The following SYN1 variants were observed in gnomAD, a reference collection of about 807,000 sequenced individuals.
SYN1 encodes synapsin I.
In SYN1, 8 loss-of-function variants were observed where a neutral mutation model predicts 44.6. The ratio of observed to expected loss-of-function variants is 0.18; its 90% CI spans 0.11 to 0.32. The LOEUF (loss-of-function observed/expected upper bound fraction) is 0.32, where lower values mean the gene tolerates loss of function less well. Ranked by LOEUF, SYN1 falls within the 10% of genes least tolerant of loss-of-function variation. The pLI, the probability that SYN1 is intolerant of heterozygous loss-of-function variation, is 1.00. For synonymous variants in SYN1, 275 were observed against 280.1 expected (o/e 0.98, Z 0.18); for missense variants, 451 against 639.4 (o/e 0.71, Z 3.18).
rs376608608 is a variant in SYN1 at position 47,582,573 on chromosome X, A to G, written c.775-5072T>C. ...GCACTCCCGTGCCAGATGCCTGTCT[A>G]CTCAGCTTGGCCTGCGGGTACCAGG... On this transcript the variant is annotated intron_variant, in intron 5 of 12. Coordinates refer to ENST00000295987, the MANE Select transcript of SYN1 (RefSeq NM_006950.3). 8.2e-4 allele frequency: 296 copies of G among 363,178 alleles called. 1 individual carries two copies. The highest frequency in any genetic ancestry group is 1.0e-3 in the Non-Finnish European group (182 of 181,919). The allele number at this position is 363,178 out of a possible 1,213,427, so 29.9% of individuals were successfully genotyped here. A position where few individuals can be genotyped will look rare whatever the true frequency, so the allele number is the denominator to read the frequency against.
intron 5 of SYN1, among the ~76,000 whole-genome samples, chrX:47,592,270 TG>T (rs1254356563): frequency 9.0e-6 from 1 of 110,499 alleles, no homozygotes; most frequent in African/African-American, 3.3e-5. Flanking sequence ...CCCAGGAGGT[TG>T]GGGCTGCAGT....
intron 3 of SYN1, 92 bp from the exon 4 acceptor site, chrX:47,605,471 C>G (rs1318246488): frequency 4.4e-5 from 47 of 1,077,588 alleles, no homozygotes; most frequent in Non-Finnish European, 5.8e-5. Flanking sequence ...CTCCATAGCT[C>G]CCAGAAATTG....
At chrX:47,601,223 A>G (rs1471731041) in intron 5 of SYN1, among the ~76,000 whole-genome samples, 2 of 111,951 alleles carry the variant, frequency 1.8e-5, no homozygotes, top group African/African-American at 6.5e-5. Flanking sequence ...AATAAAAAGT[A>G]TTATAAGAGA....
At chrX:47,611,953 T>A (rs1258486968) in intron 1 of SYN1, among the ~76,000 whole-genome samples, 2 of 111,790 alleles carry the variant, frequency 1.8e-5, no homozygotes, top group East Asian at 5.6e-4. Context: ...GGAGGCAGCA[T>A]GTCCCCCACA....
At chrX:47,618,230 C>T (rs1193710384) in intron 1 of SYN1, among the ~76,000 whole-genome samples, 1 of 111,815 alleles carries the variant, frequency 8.9e-6, no homozygotes, top group African/African-American at 3.3e-5. Context: ...AGAAAGTGCT[C>T]AATACATGCA....
chrX:47,605,489 G>C (rs2057893769), intron 3 of SYN1, 110 bp from the exon 4 acceptor site: 2 of 953,267 alleles, frequency 2.1e-6, no homozygotes, highest in East Asian at 6.7e-5. Flanking sequence ...TTGCAAAGTG[G>C]TTTCTCACCT....
At position 47,605,624 on chromosome X, in the gene SYN1, G is replaced by A. The variant is rs894245427; in HGVS notation, c.528-245C>T. The stretch of plus-strand genomic sequence containing the variant: ...CAGCAAGGTCAGCTTGCAGCTTACC[G>A]ACACAGCTCTGACAACTCCCTGGTC... On this transcript the variant is annotated intron_variant, in intron 3 of 12. Transcript: ENST00000295987. Among the ~76,000 whole-genome samples the A allele has an allele frequency of 3.6e-5, 4 of 111,167 alleles. No homozygotes were observed. In the South Asian group the frequency reaches 1.1e-3, roughly 31 times the overall value.
At position 47,572,862 on chromosome X, in the gene SYN1, T is replaced by TTG. The variant is rs1315026699; in HGVS notation, c.*1_*2insCA. ...GGATTTTGGGGTTCTCAGAGTGGGG[T>TTG]ATCAGTCGGAGAAGAGGCTGGCGAA... On this transcript the variant is annotated 3_prime_UTR_variant, in exon 13 of 13. Coordinates refer to ENST00000295987, the MANE Select transcript of SYN1 (RefSeq NM_006950.3). 2 of 1,210,633 alleles carry TTG rather than the reference T, an allele frequency of 1.7e-6. No homozygotes were observed. Among genetic ancestry groups the TTG allele is most frequent in the Non-Finnish European group, 2.2e-6 (2 of 895,147 alleles).
At chrX:47,593,170 C>T (rs765899392) in intron 5 of SYN1, among the ~76,000 whole-genome samples, 1 of 108,689 alleles carries the variant, frequency 9.2e-6, no homozygotes, top group Non-Finnish European at 1.9e-5. Flanking sequence ...GTTGGGATTA[C>T]GATGTAAGCC....
rs115822657 is a variant in SYN1 at position 47,587,772 on chromosome X, C to A, written c.775-10271G>T. Among the ~76,000 whole-genome samples the A allele has an allele frequency of 5.3e-3, 588 of 111,466 alleles. 2 individuals carry two copies. The highest frequency in any genetic ancestry group is 0.018 in the African/African-American group (545 of 30,612). ...AGCGGGGTCCAGTCCCTGGCTCCTG[C>A]CCCTCATACTCCAAAGGTCTTGACT... On this transcript the variant is annotated intron_variant, in intron 5 of 12. Coordinates refer to ENST00000295987, the MANE Select transcript of SYN1 (RefSeq NM_006950.3).
intron 5 of SYN1, among the ~76,000 whole-genome samples, chrX:47,594,472 T>C (rs2057857870): frequency 9.6e-6 from 1 of 104,704 alleles, no homozygotes; most frequent in Admixed American, 1.0e-4. Context: ...AGGCAGAGGC[T>C]GCAGTGAGCC....
chrX:47,598,951 G>A (rs935319074), intron 5 of SYN1, among the ~76,000 whole-genome samples: 2 of 111,354 alleles, frequency 1.8e-5, no homozygotes, highest in Non-Finnish European at 3.8e-5. Flanking sequence ...AGCCCAGGAG[G>A]TTGAGGCTGC....
chrX:47,572,485 C>T lies in SYN1; in HGVS notation c.*379G>A, dbSNP rs757653633. On this transcript the variant is annotated 3_prime_UTR_variant, in exon 13 of 13. Coordinates refer to ENST00000295987, the MANE Select transcript of SYN1 (RefSeq NM_006950.3). ...GATTTGGGACCAAAAATAGGGTTTT[C>T]CAGGAACTTCAGGGCTCCAGGAAGG... is the stretch of plus-strand genomic sequence containing the variant. 2 of 167,607 alleles carry T rather than the reference C, an allele frequency of 1.2e-5. 1 individual carries two copies. The highest frequency in any genetic ancestry group is 2.6e-4 in the South Asian group (2 of 7,615). The allele number at this position is 167,607 out of a possible 1,213,427, so 13.8% of individuals were successfully genotyped here.
intron 1 of SYN1, among the ~76,000 whole-genome samples, chrX:47,610,850 T>C (rs1333146344): frequency 9.1e-6 from 1 of 110,445 alleles, no homozygotes; most frequent in Non-Finnish European, 1.9e-5. Context: ...CATGTTGGAG[T>C]AGATATACTA....
At chrX:47,613,131 CAAAAAAAA>C (rs752216661) in intron 1 of SYN1, among the ~76,000 whole-genome samples, 1 of 37,381 alleles carries the variant, frequency 2.7e-5, no homozygotes, top group Non-Finnish European at 4.6e-5. Flanking sequence ...ACTCCGTCTC[CAAAAAAAA>C]AAAAAAAAAA....
chrX:47,599,812 G>A (rs189427115), intron 5 of SYN1, among the ~76,000 whole-genome samples: 28 of 112,119 alleles, frequency 2.5e-4, no homozygotes, highest in Middle Eastern at 4.6e-3. Flanking sequence ...GATGAAAAAC[G>A]TGACTTAATT....
Position 47,574,243 on chromosome X carries a change from G to A in SYN1, c.1741C>T (p.Pro581Ser). 9.1e-7 allele frequency: 1 copy of A among 1,096,500 alleles called. No homozygotes were observed. The highest frequency in any genetic ancestry group is 1.2e-6 in the Non-Finnish European group (1 of 845,086). 90.4% of individuals were successfully genotyped at this position (1,096,500 alleles called of 1,213,427 possible). The change falls in exon 12 of 13, where the codon CCA becomes TCA. Residue 581 changes from proline (P) to serine (S), a missense_variant. Physicochemically the swap from Pro to Ser is moderately conservative, Grantham distance 74. This residue lies in a region of SYN1 where 127 missense variants were observed against 154.8 expected (regional missense o/e 0.82). Transcript: ENST00000295987. ...CCCTGGCGCTGCTGCCCGCCCGGTG[G>A]GGCCCCAGAGGCCTTTGGCGGAGCC... ...GPAPPKASGA[P>S]PGGQQRQGPP...
At chrX:47,586,613 C>T in intron 5 of SYN1, 1 of 1,212,117 alleles carries the variant, frequency 8.3e-7, no homozygotes, top group South Asian at 1.8e-5. Context: ...AAAAGGGCTT[C>T]CAGTCCCGTC....
intron 1 of SYN1, among the ~76,000 whole-genome samples, chrX:47,608,881 GGACA>G (rs1180018154): frequency 2.7e-5 from 2 of 75,289 alleles, no homozygotes; most frequent in African/African-American, 5.6e-5. Context: ...TCAGGGTCTT[GGACA>G]GACACACACA....
Sources: allele counts gnomAD v4.1 joint callset (sites outside exome capture counted in the v4.1 genomes callset), GRCh38; gene constraint gnomAD v4.1.1; regional missense constraint gnomAD v4.1.1; transcripts MANE v1.5; gene names NCBI Gene and HGNC (gene_info 2026-07-23, HGNC 2026-07-21).